Variants in ABTB3 observed in about 807,000 individuals in gnomAD.
The protein encoded by ABTB3 is ankyrin repeat and BTB domain containing 3, also known as ankyrin repeat- and BTB/POZ domain-containing protein 3.
the ABTB3 span, among the ~76,000 whole-genome samples, chr12:107,499,168 G>C: frequency 6.6e-6 from 1 of 152,108 alleles, no homozygotes; most frequent in African/African-American, 2.4e-5. Flanking sequence ...ATTGTCCAAG[G>C]CTTCCCAGCA....
At chr12:107,619,669 A>G in the ABTB3 span, among the ~76,000 whole-genome samples, 1 of 152,206 alleles carries the variant, frequency 6.6e-6, no homozygotes, top group Non-Finnish European at 1.5e-5. Flanking sequence ...TAGCGTGCGT[A>G]ATAATTCCAA....
At chr12:107,417,782 C>T in the ABTB3 span, among the ~76,000 whole-genome samples, 14 of 152,348 alleles carry the variant, frequency 9.2e-5, no homozygotes, top group Non-Finnish European at 7.3e-5. Flanking sequence ...CTGAGTCCCA[C>T]GCCCCCTCTG....
chr12:107,590,349 G>A, the ABTB3 span, among the ~76,000 whole-genome samples: 5 of 152,354 alleles, frequency 3.3e-5, no homozygotes, highest in African/African-American at 1.2e-4. Context: ...AGGTGCTGTT[G>A]AAGCCATGGG....
the ABTB3 span, among the ~76,000 whole-genome samples, chr12:107,363,040 TATCAGC>T: frequency 6.6e-6 from 1 of 152,184 alleles, no homozygotes; most frequent in Non-Finnish European, 1.5e-5. Context: ...TGCCTCCCCG[TATCAGC>T]ATCACCAGAC....
the ABTB3 span, among the ~76,000 whole-genome samples, chr12:107,461,597 G>T: frequency 1.0e-5 from 1 of 97,494 alleles, no homozygotes; most frequent in Non-Finnish European, 2.2e-5. Context: ...GAATCCATTC[G>T]CAACCCCTTG....
chr12:107,622,905 A>T, the ABTB3 span, among the ~76,000 whole-genome samples: 1 of 152,220 alleles, frequency 6.6e-6, no homozygotes. Flanking sequence ...GCTCACTCAA[A>T]CCATACTTGA....
At chr12:107,331,550 G>C in the ABTB3 span, among the ~76,000 whole-genome samples, 4 of 152,170 alleles carry the variant, frequency 2.6e-5, no homozygotes, top group Non-Finnish European at 2.9e-5. Flanking sequence ...GAGGTGGAAG[G>C]CTCCTTGTCA....
chr12:107,320,501 C>G, the ABTB3 span: 1 of 449,398 alleles, frequency 2.2e-6, no homozygotes, highest in Non-Finnish European at 4.5e-6. Context: ...GGAGGAGGCG[C>G]GTTCCGCTCT....
At chr12:107,596,951 C>T in the ABTB3 span, among the ~76,000 whole-genome samples, 1 of 152,232 alleles carries the variant, frequency 6.6e-6, no homozygotes, top group Non-Finnish European at 1.5e-5. Context: ...ATTCAGGTGT[C>T]CAGTAAACTG....
At chr12:107,341,545 C>T in the ABTB3 span, among the ~76,000 whole-genome samples, 2 of 152,138 alleles carry the variant, frequency 1.3e-5, no homozygotes, top group Non-Finnish European at 2.9e-5. Context: ...ATAGTGACCC[C>T]TTTGTTTGGT....
the ABTB3 span, among the ~76,000 whole-genome samples, chr12:107,451,617 C>A: frequency 1.3e-5 from 2 of 152,168 alleles, no homozygotes; most frequent in Non-Finnish European, 2.9e-5. Flanking sequence ...CCATTGGAAT[C>A]TTACCCCTGC....
the ABTB3 span, among the ~76,000 whole-genome samples, chr12:107,328,968 G>A: frequency 2.6e-5 from 4 of 152,076 alleles, no homozygotes; most frequent in Admixed American, 2.6e-4. Flanking sequence ...CCCTCTCCCT[G>A]GCTGCCCCAT....
chr12:107,408,174 G>T, the ABTB3 span, among the ~76,000 whole-genome samples: 1 of 152,126 alleles, frequency 6.6e-6, no homozygotes, highest in Non-Finnish European at 1.5e-5. Flanking sequence ...CTGTGTGGCC[G>T]AGATTTTCTG....
chr12:107,641,471 T>C, the ABTB3 span, among the ~76,000 whole-genome samples: 1 of 152,214 alleles, frequency 6.6e-6, no homozygotes, highest in African/African-American at 2.4e-5. Context: ...ATCAGCTTAT[T>C]CTTAAACATT....
At chr12:107,381,586 G>T in the ABTB3 span, among the ~76,000 whole-genome samples, 62 of 152,326 alleles carry the variant, frequency 4.1e-4, no homozygotes, top group African/African-American at 1.4e-3. Flanking sequence ...GCAGTGTCAG[G>T]GAATTAATGG....
the ABTB3 span, among the ~76,000 whole-genome samples, chr12:107,341,675 A>G: frequency 6.6e-6 from 1 of 152,128 alleles, no homozygotes; most frequent in Non-Finnish European, 1.5e-5. Flanking sequence ...GGGTGAAGTG[A>G]TCCCTGAGGA....
the ABTB3 span, among the ~76,000 whole-genome samples, chr12:107,598,315 G>T: frequency 6.6e-6 from 1 of 152,220 alleles, no homozygotes; most frequent in Non-Finnish European, 1.5e-5. Context: ...CACACAGTTG[G>T]CTTTCACAAG....
the ABTB3 span, among the ~76,000 whole-genome samples, chr12:107,430,269 T>C: frequency 3.3e-5 from 5 of 152,348 alleles, no homozygotes; most frequent in East Asian, 7.7e-4. Flanking sequence ...GTTACTGCTT[T>C]TGTGCTTTTA....
the ABTB3 span, among the ~76,000 whole-genome samples, chr12:107,550,038 C>T: frequency 4.6e-5 from 7 of 152,276 alleles, no homozygotes; most frequent in South Asian, 1.0e-3. Flanking sequence ...CAAGGGCTCC[C>T]ACTGAAAGAA....
Sources: gnomAD v4.1 joint callset for allele counts (sites outside exome capture counted in the v4.1 genomes callset) on GRCh38, gnomAD v4.1.1 for gene constraint, MANE v1.5 for transcripts, NCBI Gene and HGNC (gene_info 2026-07-23, HGNC 2026-07-21) for gene names.